ZFHX3: variants seen among roughly 807,000 people sequenced by gnomAD.
The protein encoded by ZFHX3 is zinc finger homeobox 3.
ZFHX3 carries 42 observed loss-of-function variants against 279.1 expected under a neutral mutation model. The observed-to-expected ratio is 0.15, with a 90% CI of 0.12 to 0.19. ZFHX3 has a LOEUF of 0.19. Among genes scored for constraint, ZFHX3 ranks in the 10% least tolerant of loss-of-function variants. The probability of loss-of-function intolerance (pLI) is 1.00; values close to 1 mark genes in which losing one functional copy is unlikely to be tolerated. For missense variants in ZFHX3, 4,981 were observed against 4,754.0 expected, an observed-to-expected ratio of 1.05 and a Z score of -1.40; for synonymous variants, 2,293 against 1,957.8, an observed-to-expected ratio of 1.17 and a Z score of -4.52.
intron 2 of ZFHX3, among the ~76,000 whole-genome samples, chr16:73,521,214 C>T (rs1225174157): frequency 6.6e-6 from 1 of 152,142 alleles, no homozygotes; most frequent in African/African-American, 2.4e-5. Context: ...AGATTTAGAG[C>T]TCAGATGTTC....
Position 72,930,047 on chromosome 16 carries a change from G to A in ZFHX3, c.3216+20422C>T, listed in dbSNP as rs567206557. ...AGCCTGGCCAACATGGTGAAACTCC[G>A]TCTCCACTGAAATTACAAAAATTAG... On this transcript the variant is annotated intron_variant, in intron 3 of 9. Coordinates refer to ENST00000268489, the MANE Select transcript of ZFHX3 (RefSeq NM_006885.4). Among the ~76,000 whole-genome samples the A allele has an allele frequency of 1.1e-3, 175 of 152,244 alleles. 2 individuals carry two copies. The highest frequency in any genetic ancestry group is 3.1e-3 in the African/African-American group (127 of 41,546).
At chr16:72,828,180 C>G (rs1390873249) in intron 5 of ZFHX3, among the ~76,000 whole-genome samples, 1 of 152,120 alleles carries the variant, frequency 6.6e-6, no homozygotes. Context: ...AACAAAGGCC[C>G]AACGAATACG....
intron 3 of ZFHX3, among the ~76,000 whole-genome samples, chr16:73,340,482 G>C (rs1425523376): frequency 6.6e-6 from 1 of 152,184 alleles, no homozygotes; most frequent in Non-Finnish European, 1.5e-5. Context: ...TCAGCCTCCT[G>C]AGTAGCTGGG....
chr16:73,130,463 G>T (rs1437218118), intron 7 of ZFHX3, among the ~76,000 whole-genome samples: 1 of 152,220 alleles, frequency 6.6e-6, no homozygotes, highest in East Asian at 1.9e-4. Context: ...GTCTAGCTTT[G>T]CACTGAGGCA....
intron 3 of ZFHX3, among the ~76,000 whole-genome samples, chr16:73,454,904 T>TA (rs57645704): frequency 0.078 from 11,015 of 142,096 alleles, 753 homozygotes; most frequent in African/African-American, 0.2. Flanking sequence ...ATAAGACAGT[T>TA]AAAAAAAAAA....
chr16:73,250,182 T>A (rs1265696961), intron 5 of ZFHX3, among the ~76,000 whole-genome samples: 1 of 152,258 alleles, frequency 6.6e-6, no homozygotes, highest in Non-Finnish European at 1.5e-5. Flanking sequence ...CAATAACATG[T>A]TTTCATCAAA....
At chr16:73,034,889 G>A (rs1025674656) in intron 1 of ZFHX3, among the ~76,000 whole-genome samples, 3 of 152,186 alleles carry the variant, frequency 2.0e-5, no homozygotes, top group Non-Finnish European at 4.4e-5. Flanking sequence ...GGGGAGCCAG[G>A]CATTTCTGAC....
At chr16:73,223,368 C>G (rs2144922702) in intron 5 of ZFHX3, among the ~76,000 whole-genome samples, 1 of 152,172 alleles carries the variant, frequency 6.6e-6, no homozygotes, top group Non-Finnish European at 1.5e-5. Context: ...TCTTAAAACT[C>G]AACAATAGGA....
At chr16:73,085,891 A>T (rs72795160) in intron 8 of ZFHX3, among the ~76,000 whole-genome samples, 4,098 of 151,970 alleles carry the variant, frequency 0.027, 65 homozygotes, top group Middle Eastern at 0.092. Flanking sequence ...AAGTGAAAAA[A>T]CAACCTACAA....
chr16:73,002,895 A>T (rs907469446), intron 1 of ZFHX3, among the ~76,000 whole-genome samples: 5 of 152,200 alleles, frequency 3.3e-5, no homozygotes, highest in African/African-American at 1.2e-4. Context: ...CACTATGCGG[A>T]GCTCAGAAAA....
intron 2 of ZFHX3, among the ~76,000 whole-genome samples, chr16:73,459,468 T>C (rs554240434): frequency 6.6e-6 from 1 of 152,244 alleles, no homozygotes; most frequent in East Asian, 1.9e-4. Flanking sequence ...GTTCAAGCAA[T>C]TCTCCTGCCT....
At chr16:73,471,536 G>A (rs1400662054) in intron 2 of ZFHX3, among the ~76,000 whole-genome samples, 1 of 152,006 alleles carries the variant, frequency 6.6e-6, no homozygotes, top group Non-Finnish European at 1.5e-5. Flanking sequence ...AGCCTCCCAA[G>A]TAGTTGGGAT....
chr16:72,958,536 G>C lies in ZFHX3; in HGVS notation c.1610C>G (p.Pro537Arg). 1.9e-6 allele frequency: 3 copies of C among 1,614,106 alleles called. No homozygotes were observed. Among genetic ancestry groups the C allele is most frequent in the Non-Finnish European group, 2.5e-6 (3 of 1,180,036 alleles). Residue 537 changes from proline to arginine, a missense_variant, in exon 2 of 10, where the codon CCT becomes CGT. This residue lies in a region of ZFHX3 where 1,068 missense variants were observed against 935.2 expected (regional missense o/e 1.14). Transcript: ENST00000268489. ...CCTCGACAGGGTCTGGAGCACGTTA[G>C]GCATTAAGGGGGAGTTAGAAATGCT... Reference protein sequence around the residue: ...NQSISNSPLMPNVLQTLSRGT... With the variant: ...NQSISNSPLMRNVLQTLSRGT...
chr16:72,864,134 C>T (rs1048699725), intron 4 of ZFHX3, among the ~76,000 whole-genome samples: 7 of 152,028 alleles, frequency 4.6e-5, no homozygotes, highest in Non-Finnish European at 1.0e-4. Context: ...AAAAAATTTC[C>T]TTCCCTGACT....
chr16:73,299,375 C>T (rs2015000510), intron 4 of ZFHX3, among the ~76,000 whole-genome samples: 1 of 152,194 alleles, frequency 6.6e-6, no homozygotes, highest in Non-Finnish European at 1.5e-5. Flanking sequence ...CCTGACTAGG[C>T]AGTTCTACCT....
chr16:73,270,235 T>A (rs2014103427), intron 4 of ZFHX3, among the ~76,000 whole-genome samples: 1 of 152,212 alleles, frequency 6.6e-6, no homozygotes, highest in South Asian at 2.1e-4. Context: ...TCTTTTCAAG[T>A]TATAATTTAT....
chr16:73,252,982 CA>C (rs1222862910), intron 5 of ZFHX3, among the ~76,000 whole-genome samples: 1 of 152,194 alleles, frequency 6.6e-6, no homozygotes, highest in Non-Finnish European at 1.5e-5. Flanking sequence ...GTTGTGGAAG[CA>C]GAACTGATTG....
At chr16:72,824,103 G>C (rs1026012836) in intron 5 of ZFHX3, among the ~76,000 whole-genome samples, 1 of 152,178 alleles carries the variant, frequency 6.6e-6, no homozygotes, top group Non-Finnish European at 1.5e-5. Context: ...TTTGCACCAG[G>C]ATGTGCCTGA....
intron 8 of ZFHX3, among the ~76,000 whole-genome samples, chr16:73,084,050 G>A (rs1965979922): frequency 6.6e-6 from 1 of 152,112 alleles, no homozygotes. Flanking sequence ...ATGAGTAGAG[G>A]CCACGATTCT....
Sources: gnomAD v4.1 joint callset for allele counts (sites outside exome capture counted in the v4.1 genomes callset) on GRCh38, gnomAD v4.1.1 for gene constraint, gnomAD v4.1.1 regional missense constraint, MANE v1.5 for transcripts, NCBI Gene and HGNC (gene_info 2026-07-23, HGNC 2026-07-21) for gene names.